Variants in CACNA2D1 observed in about 807,000 individuals in gnomAD.
CACNA2D1 encodes calcium voltage-gated channel auxiliary subunit alpha2delta 1, also known as voltage-dependent calcium channel subunit alpha-2/delta-1.
Under a neutral mutation model 171.5 loss-of-function variants are expected in CACNA2D1, and 53 were observed. The ratio of observed to expected loss-of-function variants is 0.31; its 90% CI spans 0.25 to 0.39. CACNA2D1 has a LOEUF of 0.39. Ranked by LOEUF, CACNA2D1 falls within the 10% of genes least tolerant of loss-of-function variation. The probability of loss-of-function intolerance (pLI) is 1.00; values close to 1 mark genes in which losing one functional copy is unlikely to be tolerated. For missense variants in CACNA2D1, 903 were observed against 1,299.8 expected (o/e 0.69, Z 4.69); for synonymous variants, 442 against 443.1 (o/e 1.00, Z 0.03).
chr7:82,406,143 G>C (rs1322532702), intron 1 of CACNA2D1, among the ~76,000 whole-genome samples: 1 of 152,054 alleles, frequency 6.6e-6, no homozygotes, highest in Non-Finnish European at 1.5e-5. Context: ...TGCGGTGTTT[G>C]GTTTTCTGTC....
intron 7 of CACNA2D1, among the ~76,000 whole-genome samples, chr7:82,077,378 G>T (rs1809108065): frequency 6.6e-6 from 1 of 152,108 alleles, no homozygotes; most frequent in South Asian, 2.1e-4. Flanking sequence ...CCCTTAAAAA[G>T]GGGGCAAAGA....
At chr7:82,264,371 G>A (rs562613863) in intron 3 of CACNA2D1, among the ~76,000 whole-genome samples, 292 of 152,202 alleles carry the variant, frequency 1.9e-3, no homozygotes, top group African/African-American at 6.3e-3. Context: ...ACATTATGAT[G>A]ACTATAGATA....
chr7:82,178,813 T>C (rs1796817316), intron 3 of CACNA2D1, among the ~76,000 whole-genome samples: 1 of 152,082 alleles, frequency 6.6e-6, no homozygotes, highest in Non-Finnish European at 1.5e-5. Flanking sequence ...TCGCCCTCCC[T>C]CTAAATCACT....
chr7:81,995,810 A>AAAAT (rs1797988961), intron 19 of CACNA2D1, among the ~76,000 whole-genome samples: 3 of 152,020 alleles, frequency 2.0e-5, no homozygotes, highest in African/African-American at 7.2e-5. Flanking sequence ...AAAAAAAAAA[A>AAAAT]AAAAAAAAGT....
chr7:81,959,656 T>C (rs1562777829), intron 37 of CACNA2D1, 64 bp downstream of exon 37: 1 of 1,493,324 alleles, frequency 6.7e-7, no homozygotes, highest in Non-Finnish European at 9.2e-7. Flanking sequence ...ATAAACAATG[T>C]GACAAGATTC....
chr7:82,362,237 T>A (rs1821152697), intron 1 of CACNA2D1, among the ~76,000 whole-genome samples: 1 of 152,186 alleles, frequency 6.6e-6, no homozygotes, highest in East Asian at 1.9e-4. Flanking sequence ...AATTTTTTTG[T>A]CATTATTAGT....
chr7:82,170,448 C>A, intron 4 of CACNA2D1, 102 bp downstream of exon 4: 2 of 971,848 alleles, frequency 2.1e-6, no homozygotes, highest in Non-Finnish European at 3.3e-6. Context: ...AATCCCACAA[C>A]ATCATAAGAT....
chr7:82,302,461 A>T (rs544691600), intron 3 of CACNA2D1, among the ~76,000 whole-genome samples: 10 of 145,262 alleles, frequency 6.9e-5, no homozygotes, highest in Non-Finnish European at 1.2e-4. Flanking sequence ...CCCAGGCTGG[A>T]GTGCAATGGT....
At chr7:82,238,710 A>G (rs1224894482) in intron 3 of CACNA2D1, among the ~76,000 whole-genome samples, 1 of 152,094 alleles carries the variant, frequency 6.6e-6, no homozygotes, top group Non-Finnish European at 1.5e-5. Flanking sequence ...GGAATCTTGG[A>G]TCTTGACTTA....
At chr7:82,411,406 A>C (rs1827641349) in intron 1 of CACNA2D1, among the ~76,000 whole-genome samples, 1 of 152,216 alleles carries the variant, frequency 6.6e-6, no homozygotes, top group Non-Finnish European at 1.5e-5. Flanking sequence ...GTTTTATAGA[A>C]TTGAGACCAG....
At chr7:82,012,840 T>A (rs1799961755) in intron 14 of CACNA2D1, among the ~76,000 whole-genome samples, 1 of 152,122 alleles carries the variant, frequency 6.6e-6, no homozygotes, top group African/African-American at 2.4e-5. Flanking sequence ...TTGTAGATCT[T>A]CAGCTATGTT....
intron 6 of CACNA2D1, among the ~76,000 whole-genome samples, chr7:82,109,772 C>G (rs1490003911): frequency 6.6e-6 from 1 of 152,114 alleles, no homozygotes. Flanking sequence ...GAAGCATTTC[C>G]TATTAGATAG....
At chr7:82,201,996 C>T (rs1433072291) in intron 3 of CACNA2D1, among the ~76,000 whole-genome samples, 2 of 152,118 alleles carry the variant, frequency 1.3e-5, no homozygotes, top group African/African-American at 4.8e-5. Flanking sequence ...GTAAGGAAAA[C>T]GGATGGGCCA....
chr7:82,092,540 C>CTTTTT (rs71093360), intron 6 of CACNA2D1, among the ~76,000 whole-genome samples: 17 of 102,692 alleles, frequency 1.7e-4, no homozygotes, highest in African/African-American at 4.5e-4. Context: ...GCCCAGCTAA[C>CTTTTT]TTTTTTTTTT....
At chr7:82,042,718 T>C (rs1447869482) in intron 10 of CACNA2D1, among the ~76,000 whole-genome samples, 5 of 152,138 alleles carry the variant, frequency 3.3e-5, no homozygotes, top group Non-Finnish European at 5.9e-5. Flanking sequence ...CTCTTGTTCC[T>C]TCTGCCAAAA....
At chr7:82,171,922 C>T (rs1305129357) in intron 3 of CACNA2D1, among the ~76,000 whole-genome samples, 4 of 152,170 alleles carry the variant, frequency 2.6e-5, no homozygotes, top group Non-Finnish European at 5.9e-5. Flanking sequence ...GAGGTCCAGT[C>T]TACACTGGAT....
At chr7:82,262,774 T>C (rs1230791555) in intron 3 of CACNA2D1, among the ~76,000 whole-genome samples, 1 of 152,136 alleles carries the variant, frequency 6.6e-6, no homozygotes, top group Non-Finnish European at 1.5e-5. Context: ...TTATTGAAGC[T>C]AAAATTTTTC....
At chr7:81,958,307 G>A (rs1793679197) in intron 38 of CACNA2D1, among the ~76,000 whole-genome samples, 1 of 151,834 alleles carries the variant, frequency 6.6e-6, no homozygotes, top group Admixed American at 6.6e-5. Context: ...TCCTTTCTGG[G>A]ACAAATGCAG....
chr7:82,097,953 A>C (rs2129030328), intron 6 of CACNA2D1, among the ~76,000 whole-genome samples: 1 of 152,100 alleles, frequency 6.6e-6, no homozygotes, highest in South Asian at 2.1e-4. Context: ...GTCTCTACTA[A>C]AAATACAAAA....
Sources: allele counts gnomAD v4.1 joint callset (sites outside exome capture counted in the v4.1 genomes callset), GRCh38; gene constraint gnomAD v4.1.1; transcripts MANE v1.5; gene names NCBI Gene and HGNC (gene_info 2026-07-23, HGNC 2026-07-21).